The following DDX55 variants were observed in gnomAD, a reference collection of about 807,000 sequenced individuals.
DDX55 encodes ATP-dependent RNA helicase DDX55.
Under a neutral mutation model 69.2 loss-of-function variants are expected in DDX55, and 56 were observed. That is an observed-to-expected ratio of 0.81 (90% confidence interval 0.65 to 1.01). The LOEUF is 1.01. DDX55 is among the 50% of genes least tolerant of loss of function. DDX55 has a pLI of 0.00. For synonymous variants in DDX55, 268 were observed against 273.1 expected (o/e 0.98, Z 0.18); for missense variants, 720 against 745.1 (o/e 0.97, Z 0.39).
Position 123,602,202 on chromosome 12 carries a change from G to T in DDX55, c.54G>T (p.Pro18=). Residue 18 remains proline (P), a synonymous_variant, in exon 1 of 14, where the codon CCG becomes CCT. Coordinates refer to ENST00000238146, the MANE Select transcript of DDX55 (RefSeq NM_020936.3). ...SWESLPVPLH[P]QVLGALRELG... is the part of the protein sequence containing the mutation. ...AGTCGCTGCCTGTGCCGCTGCACCC[G>T]CAGGTGCTGGGCGCGCTGCGGGAGC... 6.4e-7 allele frequency: 1 copy of T among 1,573,658 alleles called. No homozygotes were observed. The highest frequency in any genetic ancestry group is 1.3e-5 in the African/African-American group (1 of 74,216).
Position 123,609,945 on chromosome 12 carries a change from C to T in DDX55, c.558C>T (p.Asn186=), listed in dbSNP as rs1954110638. Reference sequence around the variant, plus strand: ...TGAGCCCTCTTTTTATCAGCATCAACACCATTCTGGAGTTTTTGCCAAAGC... The same window carrying T: ...TGAGCCCTCTTTTTATCAGCATCAATACCATTCTGGAGTTTTTGCCAAAGC... ...LLDMGFEASI[N]TILEFLPKQR... is the part of the protein sequence containing the mutation. Residue 186 remains asparagine (N), a synonymous_variant, in exon 7 of 14, where the codon AAC becomes AAT. Transcript: ENST00000238146. 1 of 1,613,362 alleles carries T rather than the reference C, an allele frequency of 6.2e-7. No homozygotes were observed. The highest frequency in any genetic ancestry group is 8.5e-7 in the Non-Finnish European group (1 of 1,179,808).
In DDX55 at chr12:123,603,556, A is replaced by G. The variant is rs1321540049; in HGVS notation, c.108+1300A>G. 2.6e-5 allele frequency among the ~76,000 whole-genome samples: 4 copies of G among 151,514 alleles called. No homozygotes were observed. In the South Asian group the frequency reaches 6.3e-4, roughly 24 times the overall value. ...CAGGTGCCTGCCACCATGCCCGGCT[A>G]ATTTTTTGTATTTTTAGTAGATACG... On this transcript the variant is annotated intron_variant, in intron 1 of 13. Coordinates refer to ENST00000238146, the MANE Select transcript of DDX55 (RefSeq NM_020936.3).
intron 1 of DDX55, chr12:123,604,869 C>T (rs913431295): frequency 1.3e-5 from 2 of 152,078 alleles, no homozygotes; most frequent in African/African-American, 4.8e-5. Context: ...CAGCAATGGC[C>T]TGAAGCAGGG....
chr12:123,612,387 G>C (rs1194358738), intron 7 of DDX55, among the ~76,000 whole-genome samples: 2 of 152,204 alleles, frequency 1.3e-5, no homozygotes, highest in Non-Finnish European at 2.9e-5. Context: ...TGGGGATTTG[G>C]TTTTGGTAAA....
intron 8 of DDX55, 129 bp from the exon 9 acceptor site, chr12:123,615,056 C>T: frequency 2.4e-6 from 3 of 1,274,230 alleles, no homozygotes; most frequent in Non-Finnish European, 3.3e-6. Context: ...TGCCATTTTC[C>T]TTGTCATTCC....
chr12:123,608,873 C>T (rs1566186077), intron 6 of DDX55, 44 bp downstream of exon 6: 3 of 1,542,988 alleles, frequency 1.9e-6, no homozygotes, highest in Non-Finnish European at 2.6e-6. Flanking sequence ...GCAGATGATA[C>T]TAATACAAAA....
In DDX55 at chr12:123,617,857, T is replaced by C. The variant is rs1251578013; in HGVS notation, c.1149T>C (p.Leu383=). The C allele has an allele frequency of 1.2e-6, 2 of 1,614,024 alleles. No individual in the cohort carries two copies. Among genetic ancestry groups the C allele is most frequent in the Non-Finnish European group, 1.7e-6 (2 of 1,180,020 alleles). ...TGGAAGAGTCATACATCAATTTCCT[T>C]GCAATTAACCAAAAAGTAAGCTGCC... The part of the protein sequence containing the change: ...LPMEESYINF[L]AINQKCPLQE... The change falls in exon 11 of 14, where the codon CTT becomes CTC. Residue 383 remains leucine (L), a synonymous_variant. Transcript: ENST00000238146.
chr12:123,616,497 T>C lies in DDX55; in HGVS notation c.957-14T>C. ...TGGCCTCCTTACTCAGAATGCTTTT[T>C]TCTCATTTCCTAGTGGGATTTTAGT... is the stretch of plus-strand genomic sequence containing the variant. On this transcript the variant is annotated splice_polypyrimidine_tract_variant and intron_variant, in intron 9 of 13. Transcript: ENST00000238146. The C allele has an allele frequency of 6.2e-7, 1 of 1,613,854 alleles. No homozygotes were observed. The highest frequency in any genetic ancestry group is 8.5e-7 in the Non-Finnish European group (1 of 1,179,742).
intron 3 of DDX55, 108 bp downstream of exon 3, chr12:123,606,267 G>A (rs786437): frequency 0.87 from 1,182,233 of 1,360,736 alleles, 514,896 homozygotes; most frequent in East Asian, 0.98. Flanking sequence ...CGTGGCTCAC[G>A]CCTGTAATCC....
chr12:123,613,969 T>C (rs190868620), intron 8 of DDX55, among the ~76,000 whole-genome samples: 4 of 152,126 alleles, frequency 2.6e-5, no homozygotes, highest in African/African-American at 9.6e-5. Context: ...TGTTGATCTT[T>C]AGTAGTACAT....
chr12:123,607,360 C>T (rs1326711658), intron 3 of DDX55, 72 bp from the exon 4 acceptor site: 16 of 1,519,838 alleles, frequency 1.1e-5, no homozygotes, highest in African/African-American at 9.6e-5. Context: ...TGGTAGAGGG[C>T]GGAGGGCCTA....
In DDX55 at chr12:123,606,063, CT is replaced by C; in HGVS notation, c.160-9del. 6.9e-7 allele frequency: 1 copy of C among 1,446,636 alleles called. No individual in the cohort carries two copies. Among genetic ancestry groups the C allele is most frequent in the Admixed American group, 1.9e-5 (1 of 51,658 alleles). The allele number at this position is 1,446,636 out of a possible 1,614,324, so 89.6% of individuals were successfully genotyped here. On this transcript the variant is annotated splice_polypyrimidine_tract_variant and intron_variant, in intron 2 of 13. Transcript: ENST00000238146. ...AGGAAGAAAGGGAAACCAAAACTCT[CT>C]GTTTGCAGGTCACAGGTAGTGGCAA...
Position 123,615,336 on chromosome 12 carries a change from G to A in DDX55, c.956+20G>A, listed in dbSNP as rs759720878. ...GCAAAGGTGGGTGGGCTTCATTGAAGGTAGCAGCTCTCCTGCCACACTGCT... is the reference window on the plus strand; with the variant it reads ...GCAAAGGTGGGTGGGCTTCATTGAAAGTAGCAGCTCTCCTGCCACACTGCT... On this transcript the variant is annotated intron_variant, in intron 9 of 13. Coordinates refer to ENST00000238146, the MANE Select transcript of DDX55 (RefSeq NM_020936.3). The A allele has an allele frequency of 6.2e-7, 1 of 1,612,200 alleles. No homozygotes were observed. The highest frequency in any genetic ancestry group is 1.1e-5 in the South Asian group (1 of 90,858).
intron 11 of DDX55, 152 bp from the exon 12 acceptor site, chr12:123,618,517 A>G: frequency 6.5e-7 from 1 of 1,529,052 alleles, no homozygotes. Context: ...TACTTTACAG[A>G]GCATGTGAAA....
At position 123,606,153 on chromosome 12, in the gene DDX55, G is replaced by C. The variant is rs774003506; in HGVS notation, c.240G>C (p.Lys80Asn). The change falls in exon 3 of 14, where the codon AAG (lysine) becomes AAC (asparagine). Residue 80 changes from lysine to asparagine, a missense_variant. Transcript: ENST00000238146. The stretch of plus-strand genomic sequence containing the variant: ...TGAGAAGAGAAGAGAAGTTAAAAAA[G>C]AGTCAGGTGAGGACAACAAAAGTGA... ...ILLRREEKLK[K>N]SQVGAIIITP... The C allele has an allele frequency of 2.5e-6, 4 of 1,614,092 alleles. No homozygotes were observed. The South Asian group carries it at 4.4e-5, about 18-fold the overall frequency.
At chr12:123,619,317 T>C in intron 12 of DDX55, 115 bp from the exon 13 acceptor site, 1 of 1,457,520 alleles carries the variant, frequency 6.9e-7, no homozygotes, top group Non-Finnish European at 9.0e-7. Flanking sequence ...TTATTTTCAT[T>C]CTAACTAAAA....
chr12:123,615,368 G>GGTCCCC (rs762911061), intron 9 of DDX55, 52 bp downstream of exon 9: 11 of 1,602,660 alleles, frequency 6.9e-6, no homozygotes, highest in Non-Finnish European at 8.5e-6. Context: ...TGCTCTTTCA[G>GGTCCCC]GTCCCCAAAT....
At chr12:123,613,897 G>A (rs1052893213) in intron 8 of DDX55, among the ~76,000 whole-genome samples, 2 of 152,032 alleles carry the variant, frequency 1.3e-5, no homozygotes, top group Non-Finnish European at 2.9e-5. Flanking sequence ...GGCAGCGTAG[G>A]GACAGATGCA....
At chr12:123,602,607 G>A (rs1293408678) in intron 1 of DDX55, among the ~76,000 whole-genome samples, 1 of 152,200 alleles carries the variant, frequency 6.6e-6, no homozygotes, top group East Asian at 1.9e-4. Context: ...TCCTTATGGG[G>A]TTGCTGTGGG....
Sources: allele counts gnomAD v4.1 joint callset (sites outside exome capture counted in the v4.1 genomes callset), GRCh38; gene constraint gnomAD v4.1.1; transcripts MANE v1.5; gene names NCBI Gene and HGNC (gene_info 2026-07-23, HGNC 2026-07-21).